IL1RAPL2: variants seen among roughly 807,000 people sequenced by gnomAD.
IL1RAPL2 encodes X-linked interleukin-1 receptor accessory protein-like 2.
A neutral mutation model predicts 44.1 loss-of-function variants in IL1RAPL2; 3 were observed. The observed-to-expected ratio is 0.07, with a 90% CI of 0.03 to 0.18. IL1RAPL2 has a LOEUF of 0.18. Ranked by LOEUF, IL1RAPL2 falls within the 10% of genes least tolerant of loss-of-function variation. The pLI is 1.00. For synonymous variants in IL1RAPL2, 181 were observed against 178.8 expected (o/e 1.01, Z -0.10); for missense variants, 391 against 496.4 (o/e 0.79, Z 2.02).
chrX:105,038,356 C>T (rs762779120), intron 2 of IL1RAPL2, among the ~76,000 whole-genome samples: 5 of 111,760 alleles, frequency 4.5e-5, no homozygotes. Context: ...GGATATCATA[C>T]TCTCTTGTTT....
intron 5 of IL1RAPL2, among the ~76,000 whole-genome samples, chrX:105,350,596 G>A (rs886505905): frequency 9.0e-6 from 1 of 110,524 alleles, no homozygotes; most frequent in Non-Finnish European, 1.9e-5. Context: ...GGTGGTGCAC[G>A]CCTATAATCC....
intron 6 of IL1RAPL2, among the ~76,000 whole-genome samples, chrX:105,681,815 G>A (rs995030378): frequency 1.8e-5 from 2 of 111,545 alleles, no homozygotes; most frequent in Non-Finnish European, 3.8e-5. Flanking sequence ...TGCTCCATAA[G>A]ATCTTGTATT....
chrX:105,035,458 A>G (rs1044148991), intron 2 of IL1RAPL2, among the ~76,000 whole-genome samples: 1 of 112,283 alleles, frequency 8.9e-6, no homozygotes, highest in East Asian at 2.8e-4. Context: ...AATTATTCAC[A>G]TAAAGGGAAT....
At chrX:105,334,513 A>G (rs1203015390) in intron 5 of IL1RAPL2, among the ~76,000 whole-genome samples, 1 of 111,912 alleles carries the variant, frequency 8.9e-6, no homozygotes, top group South Asian at 3.7e-4. Context: ...AACTAAGAGT[A>G]TAATTGGATT....
chrX:105,557,139 G>T (rs2036901985), intron 6 of IL1RAPL2, among the ~76,000 whole-genome samples: 1 of 111,922 alleles, frequency 8.9e-6, no homozygotes, highest in African/African-American at 3.2e-5. Flanking sequence ...TGTGCACTAT[G>T]GGTTAGAGAA....
chrX:105,137,551 C>T (rs1244615906), intron 2 of IL1RAPL2, among the ~76,000 whole-genome samples: 3 of 111,941 alleles, frequency 2.7e-5, no homozygotes, highest in African/African-American at 9.7e-5. Flanking sequence ...TTTCACCATC[C>T]TGGAAAATAA....
At chrX:105,025,644 C>T (rs2031358416) in intron 2 of IL1RAPL2, among the ~76,000 whole-genome samples, 1 of 111,145 alleles carries the variant, frequency 9.0e-6, no homozygotes, top group African/African-American at 3.3e-5. Flanking sequence ...TATTATGTTA[C>T]TGCAAAATAA....
At chrX:104,823,673 A>G (rs989788724) in intron 2 of IL1RAPL2, among the ~76,000 whole-genome samples, 1 of 110,314 alleles carries the variant, frequency 9.1e-6, no homozygotes, top group Non-Finnish European at 1.9e-5. Context: ...AGGAATCGCC[A>G]CACTGACTTC....
At chrX:105,329,714 A>G (rs2034971088) in intron 5 of IL1RAPL2, among the ~76,000 whole-genome samples, 1 of 111,210 alleles carries the variant, frequency 9.0e-6, no homozygotes, top group Non-Finnish European at 1.9e-5. Flanking sequence ...GCTTTTAAGC[A>G]CTTGAAATGT....
intron 6 of IL1RAPL2, among the ~76,000 whole-genome samples, chrX:105,511,499 A>G (rs6652926): frequency 0.084 from 9,264 of 110,212 alleles, 994 homozygotes; most frequent in African/African-American, 0.29. Flanking sequence ...AGCCACAAAG[A>G]ATTTTCTCTG....
At chrX:105,224,687 C>T (rs782491273) in intron 3 of IL1RAPL2, among the ~76,000 whole-genome samples, 5 of 111,690 alleles carry the variant, frequency 4.5e-5, no homozygotes, top group Non-Finnish European at 9.4e-5. Flanking sequence ...TAAGGCCAAA[C>T]CTTTGTGAAT....
At position 104,849,355 on chromosome X, in the gene IL1RAPL2, A is replaced by AAT. The variant is rs375364495; in HGVS notation, c.82+190371_82+190372dup. Among the ~76,000 whole-genome samples the AAT allele has an allele frequency of 1.9e-4, 13 of 68,694 alleles. 2 individuals carry two copies. The East Asian group carries it at 2.9e-3, about 15-fold the overall frequency. The allele number at this position is 68,694 out of a possible 115,157, so 59.7% of individuals were successfully genotyped here. A position where few individuals can be genotyped will look rare whatever the true frequency, so the allele number is the denominator to read the frequency against. ...GTGAGCCACCATGCTTGAACTATAT[A>AAT]ATATATATATATGGATTACTTACGG... is the stretch of plus-strand genomic sequence containing the variant. On this transcript the variant is annotated intron_variant, in intron 2 of 10. Transcript: ENST00000372582.
intron 2 of IL1RAPL2, among the ~76,000 whole-genome samples, chrX:104,987,429 T>TAAAA (rs200944971): frequency 1.1e-5 from 1 of 89,743 alleles, no homozygotes; most frequent in Non-Finnish European, 2.2e-5. Context: ...GTGTATAATG[T>TAAAA]AAAAAAAAAA....
intron 3 of IL1RAPL2, chrX:105,218,871 A>AACACCCCCGCCCCCCC: frequency 1.4e-6 from 1 of 734,504 alleles, no homozygotes; most frequent in Non-Finnish European, 2.0e-6. Context: ...TTCTTCCCCT[A>AACACCCCCGCCCCCCC]CCACCCCGGC....
chrX:104,758,823 A>C (rs962297594), intron 2 of IL1RAPL2, among the ~76,000 whole-genome samples: 1 of 111,775 alleles, frequency 8.9e-6, no homozygotes, highest in African/African-American at 3.2e-5. Flanking sequence ...TTTTCTTCCT[A>C]AGAATGCCGT....
At chrX:105,654,259 T>C (rs1296974378) in intron 6 of IL1RAPL2, among the ~76,000 whole-genome samples, 5 of 110,538 alleles carry the variant, frequency 4.5e-5, no homozygotes, top group African/African-American at 1.7e-4. Flanking sequence ...CAGCAGAAGA[T>C]AGAAATTAGG....
intron 6 of IL1RAPL2, among the ~76,000 whole-genome samples, chrX:105,528,812 T>C (rs1173448809): frequency 9.0e-6 from 1 of 111,486 alleles, no homozygotes; most frequent in Non-Finnish European, 1.9e-5. Flanking sequence ...CTAACACATA[T>C]ACTATATTGA....
chrX:104,731,648 C>T (rs1348220983), intron 2 of IL1RAPL2, among the ~76,000 whole-genome samples: 3 of 111,512 alleles, frequency 2.7e-5, no homozygotes, highest in Non-Finnish European at 3.8e-5. Context: ...GTTTATCCAC[C>T]TGCCTCGGCC....
intron 6 of IL1RAPL2, among the ~76,000 whole-genome samples, chrX:105,606,641 T>C (rs1482339915): frequency 1.8e-5 from 2 of 111,708 alleles, no homozygotes; most frequent in Non-Finnish European, 3.8e-5. Flanking sequence ...ACCAAGATAT[T>C]GCATCAACGT....
Sources: allele counts gnomAD v4.1 joint callset (sites outside exome capture counted in the v4.1 genomes callset), GRCh38; gene constraint gnomAD v4.1.1; transcripts MANE v1.5; gene names NCBI Gene and HGNC (gene_info 2026-07-23, HGNC 2026-07-21).